BDNF: variants seen among roughly 807,000 people sequenced by gnomAD.
BDNF encodes the protein neurotrophic factor BDNF precursor form.
A neutral mutation model predicts 19.5 loss-of-function variants in BDNF; 1 was observed. The ratio of observed to expected loss-of-function variants is 0.05; its 90% CI spans 0.02 to 0.24. The LOEUF (loss-of-function observed/expected upper bound fraction) is 0.24, where lower values mean the gene tolerates loss of function less well. BDNF is among the 10% of genes least tolerant of loss of function. The pLI is 1.00. For synonymous variants in BDNF, 100 were observed against 121.6 expected (o/e 0.82, Z 1.17); for missense variants, 195 against 317.6 (o/e 0.61, Z 2.93).
At chr11:27,667,605 AG>A (rs1226045868) in intron 1 of BDNF, among the ~76,000 whole-genome samples, 3 of 152,208 alleles carry the variant, frequency 2.0e-5, no homozygotes, top group African/African-American at 7.2e-5. Flanking sequence ...AAAAAAAAGC[AG>A]GAGTTGCAAT....
At chr11:27,703,909 A>G (rs758935336), upstream of BDNF, among the ~76,000 whole-genome samples, 13 of 152,320 alleles carry the variant, frequency 8.5e-5, no homozygotes, top group Non-Finnish European at 1.9e-4. Context: ...TACATTCAAA[A>G]ACAATGAAGC....
intron 1 of BDNF, among the ~76,000 whole-genome samples, chr11:27,682,078 ACAAGG>A (rs1856895491): frequency 6.6e-6 from 1 of 152,164 alleles, no homozygotes; most frequent in Admixed American, 6.6e-5. Flanking sequence ...CTGATTATTT[ACAAGG>A]CTGCAAATCC....
At chr11:27,716,345 C>T (rs983988182) in intron 1 of BDNF, among the ~76,000 whole-genome samples, 2 of 151,950 alleles carry the variant, frequency 1.3e-5, no homozygotes, top group Non-Finnish European at 2.9e-5. Flanking sequence ...AAGTAGTACG[C>T]AATGTTCTTG....
At chr11:27,665,321 T>G (rs1829468) in intron 1 of BDNF, 151,905 of 152,434 alleles carry the variant, frequency 1, 75,690 homozygotes, top group Middle Eastern at 1. Flanking sequence ...TGGCCAAATA[T>G]GAACAGCTCC....
Position 27,710,020 on chromosome 11 carries a change from T to C in BDNF, c.3+11392A>G, listed in dbSNP as rs572536090. On this transcript the variant is annotated intron_variant, in intron 1 of 1. Coordinates refer to the BDNF transcript ENST00000314915. ...ACAGTCTACCAGCCATCATATTACT[T>C]AGTTATCTCTGACAAAGCTTTAGGT... 1.4e-3 allele frequency among the ~76,000 whole-genome samples: 215 copies of C among 152,326 alleles called. 1 individual carries two copies. Among genetic ancestry groups the C allele is most frequent in the African/African-American group, 5.0e-3 (206 of 41,574 alleles).
chr11:27,678,259 T>G (rs1856431435), intron 1 of BDNF, among the ~76,000 whole-genome samples: 1 of 152,132 alleles, frequency 6.6e-6, no homozygotes, highest in South Asian at 2.1e-4. Flanking sequence ...GCTTTGTACA[T>G]TGTAAAGGTC....
upstream of BDNF, among the ~76,000 whole-genome samples, chr11:27,703,649 A>G (rs1859998902): frequency 6.6e-6 from 1 of 152,190 alleles, no homozygotes; most frequent in South Asian, 2.1e-4. Flanking sequence ...TTGACATTAT[A>G]TAAATAAATG....
chr11:27,700,337 G>A lies in BDNF; in HGVS notation c.-195C>T. On this transcript the variant is annotated 5_prime_UTR_variant, in exon 1 of 2. Transcript: ENST00000356660. ...GAGCAGGAGGTGGAGGGGCGCACCG[G>A]GCTGGCTCCTCTGTCCGGCCCGGGA... 12 of 985,268 alleles carry A rather than the reference G, an allele frequency of 1.2e-5. No homozygotes were observed. Among genetic ancestry groups the A allele is most frequent in the Non-Finnish European group, 1.3e-5 (11 of 829,916 alleles). The allele number at this position is 985,268 out of a possible 1,614,324, so 61.0% of individuals were successfully genotyped here. A position where few individuals can be genotyped will look rare whatever the true frequency, so the allele number is the denominator to read the frequency against.
chr11:27,664,209 TAA>T (rs1304133777), intron 1 of BDNF, among the ~76,000 whole-genome samples: 10 of 152,144 alleles, frequency 6.6e-5, no homozygotes, highest in Non-Finnish European at 1.3e-4. Context: ...TACAAACTAT[TAA>T]GAGTTGACCT....
chr11:27,690,557 C>G (rs915075113), intron 1 of BDNF, among the ~76,000 whole-genome samples: 6 of 152,074 alleles, frequency 3.9e-5, no homozygotes, highest in Non-Finnish European at 8.8e-5. Context: ...AGCATATTTA[C>G]ATGATCCTTG....
At chr11:27,685,603 A>C (rs1420776815) in intron 1 of BDNF, among the ~76,000 whole-genome samples, 1 of 152,074 alleles carries the variant, frequency 6.6e-6, no homozygotes, top group Admixed American at 6.6e-5. Context: ...TTGTATCTTT[A>C]TTCTCATTGG....
chr11:27,674,065 T>TG, intron 1 of BDNF: 1 of 1,604,758 alleles, frequency 6.2e-7, no homozygotes, highest in Non-Finnish European at 8.5e-7. Flanking sequence ...CTCACCTTTA[T>TG]GAAACCATTT....
chr11:27,700,202 G>T lies in BDNF; in HGVS notation c.-60C>A. ...CAAACCTCACGGGTCCCCGGCGGCG[G>T]AGTCACATCGTGGTTCCGATTCTGG... On this transcript the variant is annotated 5_prime_UTR_variant, in exon 1 of 2. Transcript: ENST00000356660. The T allele has an allele frequency of 2.0e-6, 2 of 985,708 alleles. No individual in the cohort carries two copies. Among genetic ancestry groups the T allele is most frequent in the Non-Finnish European group, 2.4e-6 (2 of 830,188 alleles). The allele number at this position is 985,708 out of a possible 1,614,324, so 61.1% of individuals were successfully genotyped here. A position where few individuals can be genotyped will look rare whatever the true frequency, so the allele number is the denominator to read the frequency against.
At chr11:27,692,174 A>G (rs1201789886) in intron 1 of BDNF, among the ~76,000 whole-genome samples, 1 of 152,200 alleles carries the variant, frequency 6.6e-6, no homozygotes, top group Admixed American at 6.5e-5. Flanking sequence ...GAAATATATA[A>G]CTGTTCTCAT....
intron 1 of BDNF, among the ~76,000 whole-genome samples, chr11:27,716,024 C>T (rs764572234): frequency 6.6e-6 from 1 of 152,014 alleles, no homozygotes; most frequent in Non-Finnish European, 1.5e-5. Flanking sequence ...ATGAATACTC[C>T]AAAAATTGCC....
intron 1 of BDNF, among the ~76,000 whole-genome samples, chr11:27,671,201 A>G (rs935559832): frequency 3.3e-5 from 5 of 152,130 alleles, no homozygotes; most frequent in Non-Finnish European, 7.3e-5. Context: ...AGATATACCT[A>G]ATGTAAATGA....
intron 1 of BDNF, chr11:27,674,912 T>C (rs755814821): frequency 7.9e-6 from 7 of 891,364 alleles, no homozygotes; most frequent in Non-Finnish European, 8.1e-6. Flanking sequence ...CTCTTTGTAT[T>C]AAACTTGATA....
intron 1 of BDNF, among the ~76,000 whole-genome samples, chr11:27,718,166 G>T (rs1219972436): frequency 1.3e-5 from 2 of 152,092 alleles, no homozygotes; most frequent in Non-Finnish European, 2.9e-5. Context: ...AGTGACAGAT[G>T]ATTTCTTTCC....
At chr11:27,692,598 C>T (rs1473757248) in intron 1 of BDNF, among the ~76,000 whole-genome samples, 1 of 152,236 alleles carries the variant, frequency 6.6e-6, no homozygotes, top group Non-Finnish European at 1.5e-5. Flanking sequence ...CCACCTCAGC[C>T]TCCCAGAGTG....
Sources: gnomAD v4.1 joint callset for allele counts (sites outside exome capture counted in the v4.1 genomes callset) on GRCh38, gnomAD v4.1.1 for gene constraint, MANE v1.5 for transcripts, NCBI Gene and HGNC (gene_info 2026-07-23, HGNC 2026-07-21) for gene names.